Variants in SLC6A16 observed in about 807,000 individuals in gnomAD.
SLC6A16 encodes the protein orphan sodium- and chloride-dependent neurotransmitter transporter NTT5.
Under a neutral mutation model 65.4 loss-of-function variants are expected in SLC6A16, and 54 were observed. The ratio of observed to expected loss-of-function variants is 0.83; its 90% confidence interval spans 0.66 to 1.04. The LOEUF (loss-of-function observed/expected upper bound fraction) is 1.04. SLC6A16 is among the 50% of genes least tolerant of loss of function. The probability of loss-of-function intolerance (pLI) is 0.00; values close to 1 mark genes in which losing one functional copy is unlikely to be tolerated. For missense variants in SLC6A16, 816 were observed against 914.0 expected (o/e 0.89, Z 1.38); for synonymous variants, 330 against 346.5 (o/e 0.95, Z 0.53).
At chr19:49,302,525 C>T (rs1166132121) in intron 7 of SLC6A16, among the ~76,000 whole-genome samples, 5 of 152,188 alleles carry the variant, frequency 3.3e-5, no homozygotes, top group African/African-American at 4.8e-5. Context: ...CCAAAAAAAG[C>T]ATTTGAAGTT....
intron 1 of SLC6A16, among the ~76,000 whole-genome samples, chr19:49,318,502 A>G (rs1273386890): frequency 6.6e-6 from 1 of 152,232 alleles, no homozygotes; most frequent in Admixed American, 6.5e-5. Flanking sequence ...CATAATGTCA[A>G]CCATCTAGTC....
intron 1 of SLC6A16, among the ~76,000 whole-genome samples, chr19:49,324,792 G>A (rs907582258): frequency 9.9e-5 from 15 of 152,260 alleles, no homozygotes; most frequent in African/African-American, 3.4e-4. Flanking sequence ...GCCGAATCCT[G>A]TCAAGGAATT....
chr19:49,307,397 TATG>T (rs200733066), intron 7 of SLC6A16, among the ~76,000 whole-genome samples: 5,159 of 151,862 alleles, frequency 0.034, 138 homozygotes, highest in Admixed American at 0.07. Context: ...CCAGACAATA[TATG>T]ATAAAATTGA....
intron 9 of SLC6A16, 120 bp from the exon 10 acceptor site, chr19:49,293,502 C>T: frequency 1.1e-6 from 1 of 912,198 alleles, no homozygotes; most frequent in Non-Finnish European, 1.7e-6. Flanking sequence ...AGGGGGCTTA[C>T]ATGTGTAATC....
At chr19:49,338,755 G>T in the SLC6A16 span, 1 of 1,613,504 alleles carries the variant, frequency 6.2e-7, no homozygotes. The surrounding 1 kb of genome is among the most constrained non-coding windows in gnomAD (Gnocchi z 5.0). Flanking sequence ...CTCATCCTGA[G>T]AGGTAACGGG....
chr19:49,311,510 C>T, intron 1 of SLC6A16, 99 bp from the exon 2 acceptor site: 1 of 609,884 alleles, frequency 1.6e-6, no homozygotes, highest in Non-Finnish European at 2.6e-6. Context: ...AATTTTATAC[C>T]ACCACTGACA....
chr19:49,331,636 AT>A, the SLC6A16 span: 106 of 397,612 alleles, frequency 2.7e-4, 2 homozygotes, highest in Admixed American at 3.0e-3. Context: ...AAAATGCTTT[AT>A]GTAAGTCCAA....
At chr19:49,293,803 G>C (rs751277228) in intron 9 of SLC6A16, 24 bp downstream of exon 9, 1 of 1,604,078 alleles carries the variant, frequency 6.2e-7, no homozygotes, top group African/African-American at 1.3e-5. Flanking sequence ...GTCATTGTTA[G>C]GAGTAGGGCC....
In SLC6A16 at chr19:49,314,204, C is replaced by T. The variant is rs557701580; in HGVS notation, c.-64-2793G>A. Among the ~76,000 whole-genome samples, 150 of 152,104 alleles carry T rather than the reference C, an allele frequency of 9.9e-4. 2 individuals carry two copies. The highest frequency in any genetic ancestry group is 3.5e-3 in the African/African-American group (147 of 41,518). ...GGACAAAGAAATCCAATTGAAGAAGCTCTCATCAGCGAAATCTGGACAAAT... is the reference window on the plus strand; with the variant it reads ...GGACAAAGAAATCCAATTGAAGAAGTTCTCATCAGCGAAATCTGGACAAAT... On this transcript the variant is annotated intron_variant, in intron 1 of 11. Coordinates refer to ENST00000335875, the MANE Select transcript of SLC6A16 (RefSeq NM_014037.3).
At chr19:49,293,448 G>C in intron 9 of SLC6A16, 66 bp from the exon 10 acceptor site, 1 of 1,519,390 alleles carries the variant, frequency 6.6e-7, no homozygotes, top group East Asian at 2.3e-5. Context: ...GCTAAGTAGA[G>C]GCCATAGACC....
rs1001300176 is a variant in SLC6A16 at position 49,310,391 on chromosome 19, C to A, written c.535G>T (p.Ala179Ser). ...TACCCCACACCACCAATCCAGGGGG[C>A]AATGATCTTCCATACACCCATGCCA... ...QGGMGVWKII[A>S]PWIGGVGYSS... Residue 179 changes from alanine to serine, a missense_variant, in exon 3 of 12, where the codon GCC becomes TCC. Physicochemically the swap from Ala to Ser is moderately conservative, Grantham distance 99. Transcript: ENST00000335875. 1.2e-6 allele frequency: 2 copies of A among 1,613,912 alleles called. No individual in the cohort carries two copies. The highest frequency in any genetic ancestry group is 1.3e-5 in the African/African-American group (1 of 74,874).
chr19:49,339,853 C>T, the SLC6A16 span: 1 of 1,335,156 alleles, frequency 7.5e-7, no homozygotes. This position sits in a 1 kb window ranked among gnomAD's most constrained non-coding sequence, Gnocchi z 4.5. Flanking sequence ...CAAGGCACCG[C>T]AGGGCAAGCT....
chr19:49,337,746 G>A, the SLC6A16 span: 113 of 1,536,546 alleles, frequency 7.4e-5, no homozygotes, highest in African/African-American at 5.9e-4. Context: ...AGAGACTTAT[G>A]AGCCGTAGAA....
Position 49,308,918 on chromosome 19 carries a change from A to G in SLC6A16, c.1187T>C (p.Leu396Pro), listed in dbSNP as rs750721228. 5.0e-6 allele frequency: 8 copies of G among 1,614,080 alleles called. No individual in the cohort carries two copies. The South Asian group carries it at 7.7e-5, about 16-fold the overall frequency. Reference sequence around the variant, plus strand: ...TGTGATGACTGTCGCCCAGAAGCCCAGGACACAGAAGTTGAAAGATGTGAA... The same window carrying G: ...TGTGATGACTGTCGCCCAGAAGCCCGGGACACAGAAGTTGAAAGATGTGAA... ...LVFTSFNFCV[L>P]GFWATVITHR... The change falls in exon 7 of 12, where the codon CTG (leucine) becomes CCG (proline). Residue 396 changes from leucine (L) to proline (P), a missense_variant. Coordinates refer to ENST00000335875, the MANE Select transcript of SLC6A16 (RefSeq NM_014037.3).
the SLC6A16 span, chr19:49,339,429 C>T: frequency 0.018 from 28,407 of 1,610,124 alleles, 307 homozygotes; most frequent in Non-Finnish European, 0.021. The surrounding 1 kb of genome is among the most constrained non-coding windows in gnomAD (Gnocchi z 4.5). Flanking sequence ...CTGGCCCCGC[C>T]CCCACCCGCG....
intron 7 of SLC6A16, among the ~76,000 whole-genome samples, chr19:49,296,089 G>A (rs537522511): frequency 1.3e-5 from 2 of 152,104 alleles, no homozygotes; most frequent in South Asian, 2.1e-4. Context: ...TCCCAGGTTC[G>A]AGCGATTCTC....
In SLC6A16 at chr19:49,309,729, G is replaced by A. The variant is rs752211964; in HGVS notation, c.798C>T (p.Tyr266=). The change falls in exon 5 of 12, where the codon TAC becomes TAT. Residue 266 remains tyrosine (Y), a synonymous_variant. Transcript: ENST00000335875. ...AAAGAAAGAAGGGCAGGACCAGACT[G>A]TAGACTGGTGACCCGCCATCCTCGA... ...DRIEDGGSPV[Y]SLVLPFFLCW... 31 of 1,613,654 alleles carry A rather than the reference G, an allele frequency of 1.9e-5. No homozygotes were observed. Among genetic ancestry groups the A allele is most frequent in the South Asian group, 5.5e-5 (5 of 91,064 alleles).
intron 1 of SLC6A16, among the ~76,000 whole-genome samples, chr19:49,323,145 T>A (rs896137567): frequency 2.8e-4 from 43 of 152,052 alleles, no homozygotes; most frequent in African/African-American, 8.7e-4. Flanking sequence ...CAAATGGTGC[T>A]GGGAAAACTG....
Position 49,292,321 on chromosome 19 carries a change from C to T in SLC6A16, c.1778+902G>A, listed in dbSNP as rs1345999971. ...GGCGGAGGTTGCAGTGAGCTGAGAT[C>T]GCACCACTGCACTCCAGCCTGGGCA... On this transcript the variant is annotated intron_variant, in intron 10 of 11. Transcript: ENST00000335875. The surrounding 1 kb of genome is among the most constrained non-coding windows in gnomAD (Gnocchi z 4.3). 2.0e-5 allele frequency among the ~76,000 whole-genome samples: 3 copies of T among 151,970 alleles called. No homozygotes were observed. Among genetic ancestry groups the T allele is most frequent in the South Asian group, 4.2e-4 (2 of 4,812 alleles).
Sources: gnomAD v4.1 joint callset for allele counts (sites outside exome capture counted in the v4.1 genomes callset) on GRCh38, gnomAD v4.1.1 for gene constraint, Gnocchi (gnomAD v3.1) non-coding constraint, MANE v1.5 for transcripts, NCBI Gene and HGNC (gene_info 2026-07-23, HGNC 2026-07-21) for gene names.